ST3GAL1: variants seen among roughly 807,000 people sequenced by gnomAD.
ST3GAL1 encodes the protein CMP-N-acetylneuraminate-beta-galactosamide-alpha-2,3-sialyltransferase 1.
A neutral mutation model predicts 34.1 loss-of-function variants in ST3GAL1; 16 were observed. That is an observed-to-expected ratio of 0.47 (90% CI 0.32 to 0.71). The LOEUF (loss-of-function observed/expected upper bound fraction) is 0.71. Among genes scored for constraint, ST3GAL1 ranks in the 30% least tolerant of loss-of-function variants. The probability of loss-of-function intolerance (pLI) is 0.04; values close to 1 mark genes in which losing one functional copy is unlikely to be tolerated. For missense variants in ST3GAL1, 353 were observed against 447.4 expected (o/e 0.79, Z 1.90); for synonymous variants, 191 against 184.7 (o/e 1.03, Z -0.28).
chr8:133,548,421 C>T (rs1586660517), intron 1 of ST3GAL1, among the ~76,000 whole-genome samples: 1 of 152,300 alleles, frequency 6.6e-6, no homozygotes, highest in East Asian at 1.9e-4. Context: ...CACTGCCCCT[C>T]GATATTTTCA....
chr8:133,546,448 A>C (rs921235928), intron 1 of ST3GAL1, among the ~76,000 whole-genome samples: 2 of 146,928 alleles, frequency 1.4e-5, no homozygotes, highest in Non-Finnish European at 3.0e-5. Context: ...GTGCCACTGC[A>C]CTCCAGCCAG....
At chr8:133,507,474 C>A (rs1368424736) in intron 2 of ST3GAL1, among the ~76,000 whole-genome samples, 1 of 152,102 alleles carries the variant, frequency 6.6e-6, no homozygotes, top group African/African-American at 2.4e-5. Flanking sequence ...GAAGGTATTC[C>A]CAGGAAGGTA....
intron 2 of ST3GAL1, among the ~76,000 whole-genome samples, chr8:133,536,586 C>G (rs546033688): frequency 2.0e-5 from 3 of 152,198 alleles, no homozygotes; most frequent in Admixed American, 1.3e-4. Flanking sequence ...TGCAGCCAGA[C>G]GGTCTTCCAA....
rs1216030600 is a variant in ST3GAL1 at position 133,541,108 on chromosome 8, T to TAGAGAGAG, written c.-429+4665_-429+4666insCTCTCTCT. Reference sequence around the variant, plus strand: ...ATATATATATAAACATATATATATATATATATATATATAGAGAGAGAGAGA... The same window carrying TAGAGAGAG: ...ATATATATATAAACATATATATATATAGAGAGAGATATATATATATAGAGAGAGAGAGA... On this transcript the variant is annotated intron_variant, in intron 2 of 9. Transcript: ENST00000522652. Among the ~76,000 whole-genome samples, 77 of 45,716 alleles carry TAGAGAGAG rather than the reference T, an allele frequency of 1.7e-3. 6 individuals carry two copies. The highest frequency in any genetic ancestry group is 1.5e-3 in the Non-Finnish European group (38 of 24,908). The allele number at this position is 45,716 out of a possible 152,430, so 30.0% of individuals were successfully genotyped here.
At chr8:133,486,277 A>G (rs549260014) in intron 3 of ST3GAL1, among the ~76,000 whole-genome samples, 1 of 152,336 alleles carries the variant, frequency 6.6e-6, no homozygotes, top group South Asian at 2.1e-4. Flanking sequence ...AAGAGGAACC[A>G]GCCTATCCCC....
chr8:133,466,029 A>T lies in ST3GAL1; in HGVS notation c.368T>A (p.Val123Glu). The T allele has an allele frequency of 1.1e-5, 18 of 1,614,042 alleles. No individual in the cohort carries two copies. Among genetic ancestry groups the T allele is most frequent in the Non-Finnish European group, 1.5e-5 (18 of 1,179,964 alleles). The change falls in exon 6 of 10, where the codon GTG (valine) becomes GAG (glutamate). Residue 123 changes from valine (V) to glutamate (E), a missense_variant. Transcript: ENST00000522652. The surrounding 1 kb of genome is among the most constrained non-coding windows in gnomAD (Gnocchi z 4.4). Reference sequence around the variant, plus strand: ...CATAGGGTCCACATTCCCAGGCACCACTCTGAACAGCTCCTTGATGGTGTC... The same window carrying T: ...CATAGGGTCCACATTCCCAGGCACCTCTCTGAACAGCTCCTTGATGGTGTC... ...LNDTIKELFR[V>E]VPGNVDPMLE...
chr8:133,459,634 G>A lies in ST3GAL1; in HGVS notation c.*130C>T, dbSNP rs1275462215. On this transcript the variant is annotated 3_prime_UTR_variant, in exon 10 of 10. Transcript: ENST00000522652. This position sits in a 1 kb window ranked among gnomAD's most constrained non-coding sequence, Gnocchi z 4.7. ...TGCTGCCAACGGCTGGGTGCAAGAG[G>A]CTGTGAGCGGTGCCCAGGCACACAC... 10 of 1,205,260 alleles carry A rather than the reference G, an allele frequency of 8.3e-6. No individual in the cohort carries two copies. Among genetic ancestry groups the A allele is most frequent in the Non-Finnish European group, 1.0e-5 (9 of 877,018 alleles). The allele number at this position is 1,205,260 out of a possible 1,614,324, so 74.7% of individuals were successfully genotyped here. A position where few individuals can be genotyped will look rare whatever the true frequency, so the allele number is the denominator to read the frequency against.
At chr8:133,544,113 C>T (rs7829120) in intron 2 of ST3GAL1, 1 of 151,994 alleles carries the variant, frequency 6.6e-6, no homozygotes, top group Non-Finnish European at 1.5e-5. Context: ...GGTAACCCAA[C>T]GATAAGAAAG....
At chr8:133,568,587 C>T (rs775575687) in intron 1 of ST3GAL1, among the ~76,000 whole-genome samples, 1 of 152,060 alleles carries the variant, frequency 6.6e-6, no homozygotes, top group East Asian at 1.9e-4. Flanking sequence ...CTTTCCTGGT[C>T]GCTTTTGGTG....
chr8:133,529,597 G>A (rs1818085437), intron 2 of ST3GAL1, among the ~76,000 whole-genome samples: 2 of 152,168 alleles, frequency 1.3e-5, no homozygotes, highest in Non-Finnish European at 1.5e-5. Context: ...GGCCAGAGAA[G>A]CCTAGGAAGT....
At chr8:133,517,736 A>T (rs1817688783) in intron 2 of ST3GAL1, among the ~76,000 whole-genome samples, 1 of 152,194 alleles carries the variant, frequency 6.6e-6, no homozygotes, top group Admixed American at 6.5e-5. Flanking sequence ...CAGTTTCCCA[A>T]CCTGTCAAAT....
chr8:133,491,397 G>T (rs1816781362), intron 3 of ST3GAL1, among the ~76,000 whole-genome samples: 1 of 152,098 alleles, frequency 6.6e-6, no homozygotes, highest in Admixed American at 6.6e-5. Context: ...GGTGGTGCTG[G>T]AGGCTGATAA....
intron 1 of ST3GAL1, among the ~76,000 whole-genome samples, chr8:133,558,919 T>C (rs577685238): frequency 6.6e-6 from 1 of 152,238 alleles, no homozygotes; most frequent in Admixed American, 6.5e-5. Flanking sequence ...GTTTGCAAGT[T>C]TTCCTCATGT....
intron 2 of ST3GAL1, among the ~76,000 whole-genome samples, chr8:133,509,067 A>G (rs549530078): frequency 6.6e-6 from 1 of 152,338 alleles, no homozygotes; most frequent in Admixed American, 6.5e-5. Flanking sequence ...TCATGTGGCT[A>G]TTTCCAATTA....
At position 133,455,468 on chromosome 8, in the gene ST3GAL1, C is replaced by G. The variant is rs1359180877; in HGVS notation, c.*4296G>C. On this transcript the variant is annotated 3_prime_UTR_variant, in exon 10 of 10. Coordinates refer to ENST00000522652, the MANE Select transcript of ST3GAL1 (RefSeq NM_173344.3). ...TTCTAAGTTTTCCTCCTTTTCTTTG[C>G]ACAGGTGTCAGGTAGCACCCCAGGG... is the stretch of plus-strand genomic sequence containing the variant. The G allele has an allele frequency of 6.6e-6, 1 of 152,258 alleles. No individual in the cohort carries two copies. Among genetic ancestry groups the G allele is most frequent in the African/African-American group, 2.4e-5 (1 of 41,432 alleles). 9.4% of individuals were successfully genotyped at this position (152,258 alleles called of 1,614,324 possible).
At chr8:133,549,483 C>T (rs1035965175) in intron 1 of ST3GAL1, among the ~76,000 whole-genome samples, 13 of 152,264 alleles carry the variant, frequency 8.5e-5, no homozygotes, top group Admixed American at 5.9e-4. Context: ...GCCTCTGACT[C>T]CACAGCCTGG....
Position 133,501,507 on chromosome 8 carries a change from G to A in ST3GAL1, c.-428-2318C>T, listed in dbSNP as rs1188573168. On this transcript the variant is annotated intron_variant, in intron 2 of 9. Transcript: ENST00000522652. ...TTCAGCCTGTAATCCCAGCACTTTA[G>A]AAGGTCGAGGTGGGCGGATCACTTG... Among the ~76,000 whole-genome samples the A allele has an allele frequency of 2.6e-5, 4 of 152,236 alleles. No individual in the cohort carries two copies. The East Asian group carries it at 7.7e-4, about 29-fold the overall frequency.
chr8:133,479,607 G>T (rs1186034527), intron 3 of ST3GAL1, among the ~76,000 whole-genome samples: 1 of 152,166 alleles, frequency 6.6e-6, no homozygotes, highest in East Asian at 1.9e-4. Context: ...CAAGGCTCTG[G>T]ATGAGAGGTC....
intron 2 of ST3GAL1, among the ~76,000 whole-genome samples, chr8:133,517,070 C>A (rs1216412696): frequency 6.6e-6 from 1 of 152,246 alleles, no homozygotes; most frequent in Non-Finnish European, 1.5e-5. Flanking sequence ...TGCTGATTGG[C>A]AGCAGGCTAG....
Sources: allele counts gnomAD v4.1 joint callset (sites outside exome capture counted in the v4.1 genomes callset), GRCh38; gene constraint gnomAD v4.1.1; non-coding constraint Gnocchi (gnomAD v3.1); transcripts MANE v1.5; gene names NCBI Gene and HGNC (gene_info 2026-07-23, HGNC 2026-07-21).